Variants in KCNA2 observed in about 807,000 individuals in gnomAD.
KCNA2 encodes the protein potassium channel, voltage gated shaker related subfamily A, member 2.
In KCNA2, 11 loss-of-function variants were observed where a neutral mutation model predicts 33.4. That is an observed-to-expected ratio of 0.33 (90% CI 0.21 to 0.55). KCNA2 has a LOEUF of 0.55. KCNA2 is among the 20% of genes least tolerant of loss of function. KCNA2 has a pLI of 0.93. For missense variants in KCNA2, 291 were observed against 621.6 expected, an observed-to-expected ratio of 0.47 and a Z score of 5.66; for synonymous variants, 222 against 231.3, an observed-to-expected ratio of 0.96 and a Z score of 0.37.
upstream of KCNA2, among the ~76,000 whole-genome samples, chr1:110,609,145 C>T (rs1649787937): frequency 6.6e-6 from 1 of 152,174 alleles, no homozygotes; most frequent in African/African-American, 2.4e-5. Flanking sequence ...CACCAAGGGG[C>T]TCTGTTTCTC....
In KCNA2 at chr1:110,604,136, G is replaced by A. The variant is rs1649484746; in HGVS notation, c.647C>T (p.Thr216Ile). Reference sequence around the variant, plus strand: ...AATGAAGAAAGGGTCTGTGAAGGAAGTGGACTGCTGGTACCCGATGGTGCT... The same window carrying A: ...AATGAAGAAAGGGTCTGTGAAGGAAATGGACTGCTGGTACCCGATGGTGCT... Reference protein sequence around the residue: ...SNSTIGYQQSTSFTDPFFIVE... With the variant: ...SNSTIGYQQSISFTDPFFIVE... Residue 216 changes from threonine to isoleucine, a missense_variant, in exon 3 of 3, where the codon ACT becomes ATT. Physicochemically the swap from Thr to Ile is moderately conservative, Grantham distance 89 (BLOSUM62 -1). Around this residue, in one of 5 missense-constraint regions of KCNA2, gnomAD observed 163 missense variants for 273.5 expected, o/e 0.60. Transcript: ENST00000316361. This position sits in a 1 kb window ranked among gnomAD's most constrained non-coding sequence, Gnocchi z 7.6. 5.0e-6 allele frequency: 8 copies of A among 1,614,252 alleles called. No homozygotes were observed. Among genetic ancestry groups the A allele is most frequent in the Non-Finnish European group, 6.8e-6 (8 of 1,180,040 alleles).
chr1:110,619,461 A>G (rs751751741), intron 1 of KCNA2, among the ~76,000 whole-genome samples: 10 of 152,228 alleles, frequency 6.6e-5, no homozygotes, highest in Non-Finnish European at 1.3e-4. Flanking sequence ...TCCTACACAT[A>G]CAAGGTGGAA....
rs17026169 is a variant in KCNA2, at chr1:110,595,054, C to T, written c.*8229G>A. On this transcript the variant is annotated 3_prime_UTR_variant, in exon 3 of 3. Coordinates refer to ENST00000316361, the MANE Select transcript of KCNA2 (RefSeq NM_004974.4). ...CTAGGGAATCATTTTCAAGGAGAAG[C>T]AGGGCTTAGAGGCCTCTCACAGAGA... The T allele has an allele frequency of 0.069, 68,383 of 985,146 alleles. 3,657 individuals are homozygous for T. Among genetic ancestry groups the T allele is most frequent in the East Asian group, 0.5 (4,366 of 8,766 alleles). The allele number at this position is 985,146 out of a possible 1,614,324, so 61.0% of individuals were successfully genotyped here. A position where few individuals can be genotyped will look rare whatever the true frequency, so the allele number is the denominator to read the frequency against.
Position 110,596,169 on chromosome 1 carries a change from G to C in KCNA2, c.*7114C>G, listed in dbSNP as rs1649089873. The C allele has an allele frequency of 1.0e-6, 1 of 984,754 alleles. No homozygotes were observed. Among genetic ancestry groups the C allele is most frequent in the Non-Finnish European group, 1.2e-6 (1 of 829,406 alleles). 61.0% of individuals were successfully genotyped at this position (984,754 alleles called of 1,614,324 possible). On this transcript the variant is annotated 3_prime_UTR_variant, in exon 3 of 3. Transcript: ENST00000316361. ...AGAGGTCCCTAAGCAGAAAAAAAAA[G>C]AGTAGAACTGGAGAGGTGAAAAGAA... is the stretch of plus-strand genomic sequence containing the variant.
rs546433452 is a variant in KCNA2 at position 110,598,686 on chromosome 1, T to C, written c.*4597A>G. On this transcript the variant is annotated 3_prime_UTR_variant, in exon 3 of 3. Transcript: ENST00000316361. ...GAGGCACACTCCCGTGGGGCCCCTT[T>C]TAAAAGGCTAACCTCATGGTGACAT... is the stretch of plus-strand genomic sequence containing the variant. The C allele has an allele frequency of 5.5e-5, 54 of 985,328 alleles. No homozygotes were observed. The African/African-American group carries it at 5.8e-4, about 11-fold the overall frequency. 61.0% of individuals were successfully genotyped at this position (985,328 alleles called of 1,614,324 possible).
In KCNA2 at chr1:110,603,743, T is replaced by C; in HGVS notation, c.1040A>G (p.Tyr347Cys). Reference sequence around the variant, plus strand: ...CTCTCGCTCATCGGCCTCTGCAAAATACACAGCACTAGAGAAAAGGATGAC... The same window carrying C: ...CTCTCGCTCATCGGCCTCTGCAAAACACACAGCACTAGAGAAAAGGATGAC... ...IGVILFSSAV[Y>C]FAEADERESQ... The change falls in exon 3 of 3, where the codon TAT becomes TGT. Residue 347 changes from tyrosine (Y) to cysteine (C), a missense_variant. Tyr to Cys is a radical substitution (Grantham distance 194). This residue lies in a region of KCNA2 where 11 missense variants were observed against 16.2 expected (regional missense o/e 0.68). Coordinates refer to ENST00000316361, the MANE Select transcript of KCNA2 (RefSeq NM_004974.4). This position sits in a 1 kb window ranked among gnomAD's most constrained non-coding sequence, Gnocchi z 5.7. 6.2e-7 allele frequency: 1 copy of C among 1,613,922 alleles called. No homozygotes were observed. The highest frequency in any genetic ancestry group is 8.5e-7 in the Non-Finnish European group (1 of 1,180,026).
At chr1:110,630,851 A>G (rs749859651) in intron 1 of KCNA2, among the ~76,000 whole-genome samples, 1 of 152,126 alleles carries the variant, frequency 6.6e-6, no homozygotes, top group Non-Finnish European at 1.5e-5. Flanking sequence ...AGCAAACTCC[A>G]GTATTCACTC....
In KCNA2 at chr1:110,599,501, C is replaced by T. The variant is rs368770508; in HGVS notation, c.*3782G>A. On this transcript the variant is annotated 3_prime_UTR_variant, in exon 3 of 3. Coordinates refer to ENST00000316361, the MANE Select transcript of KCNA2 (RefSeq NM_004974.4). ...GGAAGAGCGTGCCCGGGATTGAACA[C>T]ACCCAGAGGGGAATCAGGAGTTGGC... The T allele has an allele frequency of 3.0e-6, 3 of 985,358 alleles. No homozygotes were observed. 61.0% of individuals were successfully genotyped at this position (985,358 alleles called of 1,614,324 possible).
chr1:110,596,105 T>A lies in KCNA2; in HGVS notation c.*7178A>T. Reference sequence around the variant, plus strand: ...GGGAGGGAAAGGAAAGAGGTGATCCTGTAGCCTGTTCTTTTTTTATGAAAG... The same window carrying A: ...GGGAGGGAAAGGAAAGAGGTGATCCAGTAGCCTGTTCTTTTTTTATGAAAG... On this transcript the variant is annotated 3_prime_UTR_variant, in exon 3 of 3. Transcript: ENST00000316361. 1 of 985,336 alleles carries A rather than the reference T, an allele frequency of 1.0e-6. No individual in the cohort carries two copies. The highest frequency in any genetic ancestry group is 1.2e-6 in the Non-Finnish European group (1 of 829,912). The allele number at this position is 985,336 out of a possible 1,614,324, so 61.0% of individuals were successfully genotyped here. A position where few individuals can be genotyped will look rare whatever the true frequency, so the allele number is the denominator to read the frequency against.
At chr1:110,609,554 C>T (rs1397858013), upstream of KCNA2, among the ~76,000 whole-genome samples, 1 of 152,198 alleles carries the variant, frequency 6.6e-6, no homozygotes, top group Non-Finnish European at 1.5e-5. Flanking sequence ...GCCCCCACAC[C>T]ACACTGTGCA....
Position 110,594,362 on chromosome 1 carries a change from T to C in KCNA2, c.*8921A>G. 1.0e-6 allele frequency: 1 copy of C among 982,984 alleles called. No homozygotes were observed. Among genetic ancestry groups the C allele is most frequent in the Non-Finnish European group, 1.2e-6 (1 of 829,332 alleles). 60.9% of individuals were successfully genotyped at this position (982,984 alleles called of 1,614,324 possible). Reference sequence around the variant, plus strand: ...ATATACACACACATCACACACAATATAAAGTCTCCAGAGGCAGCCTATATA... The same window carrying C: ...ATATACACACACATCACACACAATACAAAGTCTCCAGAGGCAGCCTATATA... On this transcript the variant is annotated 3_prime_UTR_variant, in exon 3 of 3. Transcript: ENST00000316361.
chr1:110,594,576 C>T lies in KCNA2; in HGVS notation c.*8707G>A, dbSNP rs981078694. 1.6e-5 allele frequency: 16 copies of T among 985,238 alleles called. No individual in the cohort carries two copies. The African/African-American group carries it at 2.4e-4, about 15-fold the overall frequency. 61.0% of individuals were successfully genotyped at this position (985,238 alleles called of 1,614,324 possible). ...GAAAACCAGGAAGAGGCCAATTTGG[C>T]TGGGGTATTGTTTGCTCAGCAGGCT... is the stretch of plus-strand genomic sequence containing the variant. On this transcript the variant is annotated 3_prime_UTR_variant, in exon 3 of 3. Transcript: ENST00000316361.
intron 1 of KCNA2, among the ~76,000 whole-genome samples, chr1:110,630,264 G>T (rs915568234): frequency 4.0e-5 from 6 of 151,892 alleles, no homozygotes; most frequent in African/African-American, 9.7e-5. Flanking sequence ...CAGGTGATCC[G>T]CCCACCTCGG....
Position 110,600,880 on chromosome 1 carries a change from T to C in KCNA2, c.*2403A>G, listed in dbSNP as rs1048245777. 2.0e-6 allele frequency: 2 copies of C among 985,356 alleles called. No individual in the cohort carries two copies. Among genetic ancestry groups the C allele is most frequent in the African/African-American group, 3.5e-5 (2 of 57,224 alleles). 61.0% of individuals were successfully genotyped at this position (985,356 alleles called of 1,614,324 possible). On this transcript the variant is annotated 3_prime_UTR_variant, in exon 3 of 3. Transcript: ENST00000316361. ...CCCTGGGCCTAGCACCCTGAGCTGG[T>C]GCCCCATGCCCCAAGACAACTGTAG...
intron 1 of KCNA2, among the ~76,000 whole-genome samples, chr1:110,627,745 C>G (rs768553517): frequency 9.2e-5 from 14 of 151,672 alleles, no homozygotes; most frequent in Non-Finnish European, 1.8e-4. Flanking sequence ...TTAATACAAC[C>G]CTTGAGCCCA....
Position 110,594,623 on chromosome 1 carries a change from C to T in KCNA2, c.*8660G>A, listed in dbSNP as rs984044579. 2 of 985,202 alleles carry T rather than the reference C, an allele frequency of 2.0e-6. No homozygotes were observed. The highest frequency in any genetic ancestry group is 1.7e-5 in the African/African-American group (1 of 57,170). The allele number at this position is 985,202 out of a possible 1,614,324, so 61.0% of individuals were successfully genotyped here. ...GGCTAGAGCTTGATCATGGGACTTT[C>T]CAGCTTCCTGGGGCCCTTCAAATGA... On this transcript the variant is annotated 3_prime_UTR_variant, in exon 3 of 3. Transcript: ENST00000316361.
chr1:110,603,931 G>A lies in KCNA2; in HGVS notation c.852C>T (p.Gly284=), dbSNP rs779997835. 2 of 1,614,084 alleles carry A rather than the reference G, an allele frequency of 1.2e-6. No homozygotes were observed. The highest frequency in any genetic ancestry group is 1.7e-5 in the Admixed American group (1 of 60,006). ...LAEKPEDAQQ[G]QQAMSLAILR... Reference sequence around the variant, plus strand: ...GGATGGCCAGTGACATGGCCTGCTGGCCTTGCTGAGCGTCCTCTGGCTTCT... The same window carrying A: ...GGATGGCCAGTGACATGGCCTGCTGACCTTGCTGAGCGTCCTCTGGCTTCT... The change falls in exon 3 of 3, where the codon GGC becomes GGT. Residue 284 remains glycine (G), a synonymous_variant. Transcript: ENST00000316361. The surrounding 1 kb of genome is among the most constrained non-coding windows in gnomAD (Gnocchi z 5.7).
Position 110,602,297 on chromosome 1 carries a change from A to C in KCNA2, c.*986T>G. ...TGATGGGAAAAAAACCCCTAGTTCA[A>C]GACCATTCCAAGCCTATTAATACTC... On this transcript the variant is annotated 3_prime_UTR_variant, in exon 3 of 3. Transcript: ENST00000316361. 6.8e-7 allele frequency: 1 copy of C among 1,480,544 alleles called. No individual in the cohort carries two copies. The highest frequency in any genetic ancestry group is 8.9e-7 in the Non-Finnish European group (1 of 1,120,340). 91.7% of individuals were successfully genotyped at this position (1,480,544 alleles called of 1,614,324 possible).
At chr1:110,605,084 A>G (rs1649537889) in intron 2 of KCNA2, 139 bp from the exon 3 acceptor site, 2 of 419,092 alleles carry the variant, frequency 4.8e-6, no homozygotes, top group Non-Finnish European at 8.5e-6. Flanking sequence ...AGCAAAATTT[A>G]CTTTCACCTT....
Sources: allele counts gnomAD v4.1 joint callset (sites outside exome capture counted in the v4.1 genomes callset), GRCh38; gene constraint gnomAD v4.1.1; regional missense constraint gnomAD v4.1.1; non-coding constraint Gnocchi (gnomAD v3.1); transcripts MANE v1.5; gene names NCBI Gene and HGNC (gene_info 2026-07-23, HGNC 2026-07-21).